The following RAB40C variants were observed in gnomAD, a reference collection of about 807,000 sequenced individuals.
RAB40C encodes ras-related protein Rab-40C.
Under a neutral mutation model 28.1 loss-of-function variants are expected in RAB40C, and 8 were observed. The observed-to-expected ratio is 0.28, with a 90% CI of 0.17 to 0.51. RAB40C has a LOEUF of 0.51. RAB40C is among the 20% of genes least tolerant of loss of function. The pLI is 0.97. For missense variants in RAB40C, 288 were observed against 405.9 expected, an observed-to-expected ratio of 0.71 and a Z score of 2.50; for synonymous variants, 201 against 171.7, an observed-to-expected ratio of 1.17 and a Z score of -1.34.
At chr16:597,339 T>C (rs1342186082) in intron 1 of RAB40C, among the ~76,000 whole-genome samples, 1 of 151,968 alleles carries the variant, frequency 6.6e-6, no homozygotes, top group Non-Finnish European at 1.5e-5. Flanking sequence ...GCCTTCGCCG[T>C]CTTTACAGTG....
chr16:615,061 A>G (rs1172792824), intron 1 of RAB40C, among the ~76,000 whole-genome samples: 2 of 152,244 alleles, frequency 1.3e-5, no homozygotes, highest in Non-Finnish European at 2.9e-5. Context: ...GAGGGAGACC[A>G]TCCGTCCATC....
At chr16:598,781 G>A (rs533955945) in intron 1 of RAB40C, among the ~76,000 whole-genome samples, 1 of 152,058 alleles carries the variant, frequency 6.6e-6, no homozygotes, top group African/African-American at 2.4e-5. Context: ...AAGAAGAGAA[G>A]AGCTGAGTCC....
chr16:607,189 C>T (rs534591299), intron 1 of RAB40C, among the ~76,000 whole-genome samples: 2 of 152,346 alleles, frequency 1.3e-5, no homozygotes, highest in South Asian at 2.1e-4. Context: ...ACCACCAGCA[C>T]GTTGATGACT....
At chr16:615,310 G>T (rs1447733801) in intron 1 of RAB40C, among the ~76,000 whole-genome samples, 4 of 152,242 alleles carry the variant, frequency 2.6e-5, no homozygotes, top group African/African-American at 9.6e-5. Flanking sequence ...GGCACCGTAG[G>T]CAGAGAGACC....
chr16:617,536 G>A (rs951765531), intron 2 of RAB40C, among the ~76,000 whole-genome samples: 1 of 152,042 alleles, frequency 6.6e-6, no homozygotes, highest in Non-Finnish European at 1.5e-5. Context: ...CCCTTCTGTC[G>A]GCTTCACCTT....
In RAB40C at chr16:625,024, T is replaced by A. The variant is rs1446182382; in HGVS notation, c.265-408T>A. ...AGTTTTAGGTTGGAAAACTCAGAAA[T>A]GCCCCCACTCAGCTCTGTCCCAGGT... On this transcript the variant is annotated intron_variant, in intron 3 of 5. Coordinates refer to ENST00000248139, the MANE Select transcript of RAB40C (RefSeq NM_021168.5). 50 of 1,291,378 alleles carry A rather than the reference T, an allele frequency of 3.9e-5. No individual in the cohort carries two copies. The Admixed American group carries it at 1.1e-3, about 28-fold the overall frequency. 80.0% of individuals were successfully genotyped at this position (1,291,378 alleles called of 1,614,324 possible).
rs557303933 is a variant in RAB40C at position 627,892 on chromosome 16, C to T, written c.*270C>T. The T allele has an allele frequency of 3.0e-4, 131 of 436,796 alleles. No homozygotes were observed. Among genetic ancestry groups the T allele is most frequent in the African/African-American group, 1.8e-3 (90 of 49,680 alleles). The allele number at this position is 436,796 out of a possible 1,614,324, so 27.1% of individuals were successfully genotyped here. A position where few individuals can be genotyped will look rare whatever the true frequency, so the allele number is the denominator to read the frequency against. ...GCCTCCCCAGCTGCCTGGGCTTGAC[C>T]GGCGGGGAGCCTGGTTGGCCTTTCT... On this transcript the variant is annotated 3_prime_UTR_variant, in exon 6 of 6. Coordinates refer to ENST00000248139, the MANE Select transcript of RAB40C (RefSeq NM_021168.5).
Position 627,938 on chromosome 16 carries a change from C to G in RAB40C, c.*316C>G. 1 of 340,854 alleles carries G rather than the reference C, an allele frequency of 2.9e-6. No individual in the cohort carries two copies. The highest frequency in any genetic ancestry group is 5.3e-6 in the Non-Finnish European group (1 of 188,776). The allele number at this position is 340,854 out of a possible 1,614,324, so 21.1% of individuals were successfully genotyped here. On this transcript the variant is annotated 3_prime_UTR_variant, in exon 6 of 6. Transcript: ENST00000248139. ...TTTCTTATTTATATAGAGAACACTT[C>G]ACTTTTTTGTACATTTTTAAGGGGC...
At chr16:605,123 G>A (rs2036332706) in intron 1 of RAB40C, among the ~76,000 whole-genome samples, 2 of 152,222 alleles carry the variant, frequency 1.3e-5, no homozygotes, top group Non-Finnish European at 2.9e-5. Context: ...TACTCAGGAG[G>A]CTGAGGCAGG....
intron 1 of RAB40C, among the ~76,000 whole-genome samples, chr16:604,674 G>T (rs552558289): frequency 2.6e-5 from 4 of 152,202 alleles, no homozygotes; most frequent in Non-Finnish European, 5.9e-5. Context: ...TCTAAGAGTG[G>T]AATTGCTGTC....
intron 1 of RAB40C, among the ~76,000 whole-genome samples, chr16:599,496 A>G (rs1051134647): frequency 3.3e-5 from 5 of 152,226 alleles, no homozygotes; most frequent in Non-Finnish European, 7.3e-5. Context: ...CGCTGCTGCC[A>G]TGGCTGCTTC....
At chr16:607,708 A>G (rs551091809) in intron 1 of RAB40C, among the ~76,000 whole-genome samples, 26 of 152,120 alleles carry the variant, frequency 1.7e-4, no homozygotes, top group South Asian at 6.2e-4. Context: ...GGAGAATGGC[A>G]TGAACCCAGA....
intron 1 of RAB40C, among the ~76,000 whole-genome samples, chr16:591,120 G>A (rs2035986905): frequency 6.7e-6 from 1 of 149,832 alleles, no homozygotes; most frequent in South Asian, 2.1e-4. Flanking sequence ...TCTGGGGTCC[G>A]AGGGAAGGTG....
chr16:620,709 GCGGGCA>G, intron 3 of RAB40C, among the ~76,000 whole-genome samples: 1 of 62,572 alleles, frequency 1.6e-5, no homozygotes, highest in South Asian at 7.8e-4. Context: ...GGGCTCCACC[GCGGGCA>G]TCCCAGCCCC....
At position 620,522 on chromosome 16, in the gene RAB40C, C is replaced by T. The variant is rs75020777; in HGVS notation, c.264+2262C>T. Among the ~76,000 whole-genome samples the T allele has an allele frequency of 5.6e-4, 85 of 152,254 alleles. 4 individuals are homozygous for T. The South Asian group carries it at 0.01, about 18-fold the overall frequency. ...TATTTTGGTATTAAAAAATATGGGG[C>T]GCAGTTATGTTGGATGACAATAAAG... On this transcript the variant is annotated intron_variant, in intron 3 of 5. Transcript: ENST00000248139.
intron 1 of RAB40C, among the ~76,000 whole-genome samples, chr16:605,338 G>A (rs112618169): frequency 5.9e-5 from 9 of 152,290 alleles, no homozygotes; most frequent in South Asian, 4.1e-4. Context: ...TCAGCTTTCC[G>A]TCTTTTAATT....
At chr16:613,361 G>A (rs1041732143) in intron 1 of RAB40C, among the ~76,000 whole-genome samples, 2 of 150,972 alleles carry the variant, frequency 1.3e-5, no homozygotes, top group African/African-American at 2.4e-5. Flanking sequence ...AGCTGCCCTC[G>A]TCTTTAGATT....
In RAB40C at chr16:610,111, C is replaced by T. The variant is rs1171352690; in HGVS notation, c.143-7097C>T. On this transcript the variant is annotated intron_variant, in intron 1 of 5. Transcript: ENST00000248139. The surrounding 1 kb of genome is among the most constrained non-coding windows in gnomAD (Gnocchi z 4.6). ...GAGTCCGCTTGCTGAGACTTGGTCTCCTGTAGCTGGTGGGGAAGCGGCACC... is the reference window on the plus strand; with the variant it reads ...GAGTCCGCTTGCTGAGACTTGGTCTTCTGTAGCTGGTGGGGAAGCGGCACC... Among the ~76,000 whole-genome samples, 1 of 152,168 alleles carries T rather than the reference C, an allele frequency of 6.6e-6. No homozygotes were observed. Among genetic ancestry groups the T allele is most frequent in the Admixed American group, 6.5e-5 (1 of 15,278 alleles).
chr16:593,154 C>G (rs552949505), intron 1 of RAB40C, among the ~76,000 whole-genome samples: 2 of 152,164 alleles, frequency 1.3e-5, no homozygotes, highest in African/African-American at 4.8e-5. Flanking sequence ...TTAAGACGTG[C>G]ACAGCACAAG....
Sources: allele counts gnomAD v4.1 joint callset (sites outside exome capture counted in the v4.1 genomes callset), GRCh38; gene constraint gnomAD v4.1.1; non-coding constraint Gnocchi (gnomAD v3.1); transcripts MANE v1.5; gene names NCBI Gene and HGNC (gene_info 2026-07-23, HGNC 2026-07-21).